USP7: variants seen among roughly 807,000 people sequenced by gnomAD.
The protein encoded by USP7 is ubiquitin C-terminal hydrolase 7.
In USP7, 9 loss-of-function variants were observed where a neutral mutation model predicts 162.9. The observed-to-expected ratio is 0.06, with a 90% CI of 0.03 to 0.10. USP7 has a LOEUF of 0.10. Among genes scored for constraint, USP7 ranks in the 10% least tolerant of loss-of-function variants. The pLI, the probability that USP7 is intolerant of heterozygous loss-of-function variation, is 1.00. For missense variants in USP7, 715 were observed against 1,373.7 expected, an observed-to-expected ratio of 0.52 and a Z score of 7.58; for synonymous variants, 562 against 475.9, an observed-to-expected ratio of 1.18 and a Z score of -2.35.
intron 28 of USP7, 41 bp downstream of exon 28, chr16:8,894,990 A>C: frequency 1.2e-6 from 2 of 1,613,922 alleles, no homozygotes; most frequent in Non-Finnish European, 1.7e-6. Flanking sequence ...CAAAGGCTCC[A>C]GGTTTTGACG....
At chr16:8,952,098 GA>G (rs1180101156) in intron 1 of USP7, among the ~76,000 whole-genome samples, 2 of 151,410 alleles carry the variant, frequency 1.3e-5, no homozygotes, top group African/African-American at 4.9e-5. Flanking sequence ...ATACAAAAAA[GA>G]AAAAAAATGG....
At chr16:8,934,307 T>C (rs1035345915) in intron 1 of USP7, among the ~76,000 whole-genome samples, 1 of 152,216 alleles carries the variant, frequency 6.6e-6, no homozygotes, top group African/African-American at 2.4e-5. Flanking sequence ...TATGGTTTCA[T>C]GAGATGCAGT....
chr16:8,955,101 T>C (rs1899731557), intron 1 of USP7, among the ~76,000 whole-genome samples: 1 of 152,272 alleles, frequency 6.6e-6, no homozygotes, highest in African/African-American at 2.4e-5. Context: ...GAATCTGCAG[T>C]TTCTGCAATT....
At chr16:8,956,910 G>C (rs372628046) in intron 1 of USP7, among the ~76,000 whole-genome samples, 19 of 152,068 alleles carry the variant, frequency 1.2e-4, no homozygotes, top group African/African-American at 4.6e-4. Flanking sequence ...AGCCCTTCTG[G>C]GCAGCACAAC....
At chr16:8,939,216 A>C (rs1056980326) in intron 1 of USP7, among the ~76,000 whole-genome samples, 1 of 152,282 alleles carries the variant, frequency 6.6e-6, no homozygotes, top group African/African-American at 2.4e-5. Flanking sequence ...AACAGTTCCA[A>C]CACCACAAGG....
chr16:8,938,048 C>T (rs1254385286), intron 1 of USP7, among the ~76,000 whole-genome samples: 2 of 152,070 alleles, frequency 1.3e-5, no homozygotes, highest in African/African-American at 2.4e-5. Context: ...TAAGGCAGGG[C>T]AGAATATCCT....
intron 5 of USP7, among the ~76,000 whole-genome samples, chr16:8,919,957 C>T (rs545387165): frequency 8.1e-4 from 123 of 152,298 alleles, no homozygotes; most frequent in Admixed American, 3.0e-3. Context: ...TGTTAGTTGT[C>T]GGTGATGCTC....
chr16:8,937,983 C>G (rs1376552831), intron 1 of USP7, among the ~76,000 whole-genome samples: 1 of 152,018 alleles, frequency 6.6e-6, no homozygotes, highest in Non-Finnish European at 1.5e-5. Flanking sequence ...CCAATGAGCC[C>G]CTATTATGTG....
chr16:8,899,796 C>T (rs766933364), intron 21 of USP7, 39 bp from the exon 22 acceptor site: 2 of 1,612,116 alleles, frequency 1.2e-6, no homozygotes, highest in African/African-American at 1.3e-5. Flanking sequence ...AATCAAAGTC[C>T]ATGGCAGGGG....
chr16:8,908,949 T>A (rs2061901203), intron 11 of USP7, among the ~76,000 whole-genome samples: 1 of 152,242 alleles, frequency 6.6e-6, no homozygotes, highest in Non-Finnish European at 1.5e-5. Flanking sequence ...TTCCTTGGGC[T>A]CTTTGATGTT....
intron 1 of USP7, among the ~76,000 whole-genome samples, chr16:8,932,791 G>A (rs1249178578): frequency 6.6e-6 from 1 of 152,054 alleles, no homozygotes; most frequent in Non-Finnish European, 1.5e-5. Context: ...GCTGGGGATG[G>A]ACAAAGCAGG....
intron 10 of USP7, 148 bp from the exon 11 acceptor site, chr16:8,910,975 G>C (rs1279368882): frequency 1.2e-5 from 8 of 672,310 alleles, no homozygotes; most frequent in Non-Finnish European, 1.8e-5. Context: ...AGCCAAGACT[G>C]TAGGTAAATG....
At chr16:8,925,721 T>G (rs1897950011) in intron 2 of USP7, among the ~76,000 whole-genome samples, 1 of 152,168 alleles carries the variant, frequency 6.6e-6, no homozygotes, top group African/African-American at 2.4e-5. Flanking sequence ...CACTGCACAC[T>G]CGATTTCAGC....
In USP7 at chr16:8,923,957, G is replaced by A. The variant is rs141198030; in HGVS notation, c.185-544C>T. ...CCTGATAATAAATGCTAACCTCATTGGTTCACGATTTTTGCAAAAATACTA... is the reference window on the plus strand; with the variant it reads ...CCTGATAATAAATGCTAACCTCATTAGTTCACGATTTTTGCAAAAATACTA... On this transcript the variant is annotated intron_variant, in intron 2 of 30. Transcript: ENST00000344836. 3.9e-4 allele frequency among the ~76,000 whole-genome samples: 59 copies of A among 152,240 alleles called. 1 individual carries two copies. The East Asian group carries it at 0.011, about 28-fold the overall frequency.
At chr16:8,911,887 C>T (rs574759227) in intron 10 of USP7, among the ~76,000 whole-genome samples, 1 of 152,264 alleles carries the variant, frequency 6.6e-6, no homozygotes, top group Middle Eastern at 3.4e-3. Context: ...TCAGAGCTCA[C>T]GACAGGCTGG....
In USP7 at chr16:8,917,197, T is replaced by C. The variant is rs1897416402; in HGVS notation, c.721-41A>G. Reference sequence around the variant, plus strand: ...AATAAGAATTTTTACTCTGAGAAGATGCAGGGGAATTTAAAAAACAGTAAG... The same window carrying C: ...AATAAGAATTTTTACTCTGAGAAGACGCAGGGGAATTTAAAAAACAGTAAG... On this transcript the variant is annotated intron_variant, in intron 6 of 30. Coordinates refer to ENST00000344836, the MANE Select transcript of USP7 (RefSeq NM_003470.3). 4.5e-6 allele frequency: 7 copies of C among 1,559,748 alleles called. No individual in the cohort carries two copies. In the East Asian group the frequency reaches 6.8e-5, roughly 15 times the overall value.
At chr16:8,916,119 G>A (rs371547637) in intron 8 of USP7, among the ~76,000 whole-genome samples, 3 of 152,258 alleles carry the variant, frequency 2.0e-5, no homozygotes, top group Admixed American at 6.5e-5. Flanking sequence ...TGAGAACCTC[G>A]CTGCACAGGA....
chr16:8,894,112 G>A lies in USP7; in HGVS notation c.3203-8C>T. 1 of 1,613,628 alleles carries A rather than the reference G, an allele frequency of 6.2e-7. No individual in the cohort carries two copies. The highest frequency in any genetic ancestry group is 8.5e-7 in the Non-Finnish European group (1 of 1,179,532). The stretch of plus-strand genomic sequence containing the variant: ...GAGGATGAGACATATTACCTGGTGG[G>A]GATGAAGAAAAGCAAGTGAGGCCAC... On this transcript the variant is annotated splice_polypyrimidine_tract_variant and splice_region_variant and intron_variant, in intron 30 of 30. Coordinates refer to ENST00000344836, the MANE Select transcript of USP7 (RefSeq NM_003470.3).
chr16:8,900,871 G>C, intron 20 of USP7, 119 bp downstream of exon 20: 1 of 996,210 alleles, frequency 1.0e-6, no homozygotes, highest in Non-Finnish European at 1.5e-6. Context: ...AAGATCATCT[G>C]AGGCCCTGAG....
Sources: allele counts gnomAD v4.1 joint callset (sites outside exome capture counted in the v4.1 genomes callset), GRCh38; gene constraint gnomAD v4.1.1; transcripts MANE v1.5; gene names NCBI Gene and HGNC (gene_info 2026-07-23, HGNC 2026-07-21).